Variants in MORN1 observed in about 807,000 individuals in gnomAD.
The protein encoded by MORN1 is MORN repeat-containing protein 1.
MORN1 carries 67 observed loss-of-function variants against 61.9 expected under a neutral mutation model. The observed-to-expected ratio is 1.08, with a 90% confidence interval of 0.89 to 1.33. MORN1 has a LOEUF of 1.33. Among genes scored for constraint, MORN1 ranks in the 40% most tolerant of loss-of-function variants. The pLI, the probability that MORN1 is intolerant of heterozygous loss-of-function variation, is 0.00. For synonymous variants in MORN1, 301 were observed against 292.0 expected (o/e 1.03, Z -0.31); for missense variants, 752 against 691.2 (o/e 1.09, Z -0.99).
At chr1:2,375,953 C>T (rs370652815) in intron 6 of MORN1, 10 of 152,488 alleles carry the variant, frequency 6.6e-5, no homozygotes, top group African/African-American at 2.2e-4. Context: ...GGGCTCTGGG[C>T]AAGCACCATC....
chr1:2,356,474 G>A (rs1641772142), intron 10 of MORN1, among the ~76,000 whole-genome samples: 1 of 152,130 alleles, frequency 6.6e-6, no homozygotes, highest in South Asian at 2.1e-4. Context: ...TCCTCCCCAA[G>A]CAGCACCTCA....
intron 13 of MORN1, among the ~76,000 whole-genome samples, chr1:2,321,807 T>C (rs886362833): frequency 6.6e-6 from 1 of 151,772 alleles, no homozygotes; most frequent in Non-Finnish European, 1.5e-5. Flanking sequence ...TAATTTGGGG[T>C]AAAGGAAACC....
intron 13 of MORN1, chr1:2,322,849 C>G: frequency 3.0e-6 from 3 of 985,414 alleles, no homozygotes; most frequent in South Asian, 4.7e-5. Context: ...GCTGGCGTCC[C>G]GGCGGATGGG....
At chr1:2,328,875 G>A (rs1043549366) in intron 12 of MORN1, among the ~76,000 whole-genome samples, 2 of 152,184 alleles carry the variant, frequency 1.3e-5, no homozygotes, top group Non-Finnish European at 2.9e-5. Flanking sequence ...TGCCTGGGCC[G>A]AGGAACTGGG....
At chr1:2,333,109 G>A (rs576613453) in intron 12 of MORN1, among the ~76,000 whole-genome samples, 3 of 152,380 alleles carry the variant, frequency 2.0e-5, no homozygotes, top group South Asian at 2.1e-4. Flanking sequence ...GCGACCAGGT[G>A]TTGGGGGGCG....
intron 8 of MORN1, among the ~76,000 whole-genome samples, chr1:2,361,766 TCC>T (rs1464487846): frequency 6.6e-6 from 1 of 152,160 alleles, no homozygotes; most frequent in African/African-American, 2.4e-5. Context: ...CGGCTGAACA[TCC>T]ACATGTCAAT....
intron 10 of MORN1, among the ~76,000 whole-genome samples, chr1:2,347,411 G>A (rs979059365): frequency 6.6e-6 from 1 of 152,202 alleles, no homozygotes; most frequent in Admixed American, 6.5e-5. Context: ...CCGAAGCAGG[G>A]TATGGGGCAC....
chr1:2,387,235 G>A (rs886885847), intron 4 of MORN1, 184 bp downstream of exon 4: 3 of 616,156 alleles, frequency 4.9e-6, no homozygotes, highest in Non-Finnish European at 8.7e-6. Flanking sequence ...TGGGCATACT[G>A]GTGTATGCCG....
chr1:2,325,138 C>T (rs1557865218), intron 12 of MORN1, among the ~76,000 whole-genome samples: 16 of 55,632 alleles, frequency 2.9e-4, no homozygotes, highest in South Asian at 1.8e-3. Flanking sequence ...TTCCTTCCCT[C>T]CCTCCCTCCC....
chr1:2,340,698 A>G (rs1641376167), intron 10 of MORN1, among the ~76,000 whole-genome samples: 1 of 152,212 alleles, frequency 6.6e-6, no homozygotes, highest in Non-Finnish European at 1.5e-5. Flanking sequence ...CATTGTGAGC[A>G]TAGGCCACCA....
rs974558284 is a variant in MORN1 at position 2,337,826 on chromosome 1, G to C, written c.1037-976C>G. Among the ~76,000 whole-genome samples the C allele has an allele frequency of 6.6e-6, 1 of 152,170 alleles. No homozygotes were observed. The highest frequency in any genetic ancestry group is 2.4e-5 in the African/African-American group (1 of 41,424). On this transcript the variant is annotated intron_variant, in intron 10 of 13. Coordinates refer to ENST00000378531, the MANE Select transcript of MORN1 (RefSeq NM_024848.3). This position sits in a 1 kb window ranked among gnomAD's most constrained non-coding sequence, Gnocchi z 5.7. ...TGGACAGGGGAGTTCTGAGAGGGAG[G>C]CAGGGGCTGGGGCGGTGGCTTTAGG... is the stretch of plus-strand genomic sequence containing the variant.
intron 10 of MORN1, 100 bp from the exon 11 acceptor site, chr1:2,336,950 C>T (rs746110335): frequency 5.5e-5 from 70 of 1,273,144 alleles, no homozygotes; most frequent in East Asian, 1.8e-4. Flanking sequence ...GCCAGGGCAG[C>T]GGGCACAGAC....
intron 13 of MORN1, 92 bp downstream of exon 13, chr1:2,324,005 G>C: frequency 6.8e-7 from 1 of 1,480,970 alleles, no homozygotes; most frequent in South Asian, 1.3e-5. Context: ...CCCGGGCCGA[G>C]TTCCCCCAAC....
In MORN1 at chr1:2,323,903, C is replaced by G. The variant is rs1385487844; in HGVS notation, c.1297+194G>C. On this transcript the variant is annotated intron_variant, in intron 13 of 13. Transcript: ENST00000378531. ...TCAAATCTTTCTGGACCGTCCCCAG[C>G]CCCCAAGCCACCAGCCCCCTTCCCA... 6.1e-6 allele frequency: 6 copies of G among 984,832 alleles called. No individual in the cohort carries two copies. In the African/African-American group the frequency reaches 1.0e-4, roughly 17 times the overall value. The allele number at this position is 984,832 out of a possible 1,614,324, so 61.0% of individuals were successfully genotyped here. A position where few individuals can be genotyped will look rare whatever the true frequency, so the allele number is the denominator to read the frequency against.
chr1:2,377,350 A>C (rs982079355), intron 6 of MORN1: 4 of 152,400 alleles, frequency 2.6e-5, no homozygotes, highest in African/African-American at 9.6e-5. Flanking sequence ...CCAGGACCAC[A>C]AGGGTGTCCT....
chr1:2,349,642 A>G, intron 10 of MORN1, among the ~76,000 whole-genome samples: 1 of 152,220 alleles, frequency 6.6e-6, no homozygotes, highest in Non-Finnish European at 1.5e-5. Context: ...ATAGACAATT[A>G]ATATTTAAAG....
At position 2,357,373 on chromosome 1, in the gene MORN1, C is replaced by G. The variant is rs533859891; in HGVS notation, c.1036+59G>C. Reference sequence around the variant, plus strand: ...TTCTGGGTCCCCATGACCCCACCCCCACCTTGACTGCTGGGCCTGGGCCCA... The same window carrying G: ...TTCTGGGTCCCCATGACCCCACCCCGACCTTGACTGCTGGGCCTGGGCCCA... On this transcript the variant is annotated intron_variant, in intron 10 of 13. Transcript: ENST00000378531. The surrounding 1 kb of genome is among the most constrained non-coding windows in gnomAD (Gnocchi z 6.3). 4.9e-4 allele frequency: 754 copies of G among 1,532,822 alleles called. 14 individuals carry two copies. The South Asian group carries it at 8.8e-3, about 18-fold the overall frequency. The allele number at this position is 1,532,822 out of a possible 1,614,324, so 95.0% of individuals were successfully genotyped here.
intron 8 of MORN1, chr1:2,363,243 A>G (rs974642283): frequency 7.2e-5 from 11 of 152,228 alleles, no homozygotes; most frequent in African/African-American, 2.4e-4. Context: ...AGTATATTAC[A>G]TCTCTTGAAA....
chr1:2,340,201 C>T (rs1225876636), intron 10 of MORN1, among the ~76,000 whole-genome samples: 1 of 152,150 alleles, frequency 6.6e-6, no homozygotes, highest in African/African-American at 2.4e-5. Context: ...CTCCTCTGTT[C>T]ACACCCCTCT....
Sources: gnomAD v4.1 joint callset for allele counts (sites outside exome capture counted in the v4.1 genomes callset) on GRCh38, gnomAD v4.1.1 for gene constraint, Gnocchi (gnomAD v3.1) non-coding constraint, MANE v1.5 for transcripts, NCBI Gene and HGNC (gene_info 2026-07-23, HGNC 2026-07-21) for gene names.